Variants in SRP19 observed in about 807,000 individuals in gnomAD.
SRP19 encodes signal recognition particle 19 kDa protein.
Under a neutral mutation model 22.4 loss-of-function variants are expected in SRP19, and 11 were observed. The ratio of observed to expected loss-of-function variants is 0.49; its 90% confidence interval spans 0.31 to 0.81. The LOEUF (loss-of-function observed/expected upper bound fraction) is 0.81, where lower values mean the gene tolerates loss of function less well. SRP19 is among the 40% of genes least tolerant of loss of function. The pLI is 0.05. For synonymous variants in SRP19, 61 were observed against 57.6 expected (o/e 1.06, Z -0.27); for missense variants, 168 against 175.9 (o/e 0.96, Z 0.25).
downstream of SRP19, among the ~76,000 whole-genome samples, chr5:112,873,086 G>GT (rs1246223933): frequency 7.9e-6 from 1 of 126,348 alleles, no homozygotes; most frequent in Non-Finnish European, 1.6e-5. Flanking sequence ...CTTTGTGTGG[G>GT]TCTTTTTTTT....
chr5:112,864,728 A>G lies in SRP19; in HGVS notation c.297A>G (p.Pro99=), dbSNP rs141132771. Residue 99 remains proline, a synonymous_variant, in exon 4 of 5, where the codon CCA becomes CCG. Transcript: ENST00000505459. ...EDGSLCLVQF[P]SRKSVMLYAA... is the part of the protein sequence containing the mutation. ...GGAGCCTCTGCCTTGTACAGTTCCC[A>G]TCACGTAAGCTTGTTTAAATGAATC... 54 of 1,609,774 alleles carry G rather than the reference A, an allele frequency of 3.4e-5. No homozygotes were observed. Among genetic ancestry groups the G allele is most frequent in the African/African-American group, 8.0e-5 (6 of 74,754 alleles).
At chr5:112,865,267 T>C (rs1416856452) in intron 4 of SRP19, 1 of 152,354 alleles carries the variant, frequency 6.6e-6, no homozygotes, top group Admixed American at 6.5e-5. Context: ...AAGGAAACAC[T>C]CATTCTTAAG....
At chr5:112,879,046 A>T (rs931583853) in intron 4 of SRP19, among the ~76,000 whole-genome samples, 1 of 152,022 alleles carries the variant, frequency 6.6e-6, no homozygotes, top group Non-Finnish European at 1.5e-5. Context: ...TAAATACTTG[A>T]GCAAAATACT....
chr5:112,892,354 C>G (rs1355988311), exon 5 of SRP19: 1 of 1,614,082 alleles, frequency 6.2e-7, no homozygotes. Context: ...AGAAACCTAC[C>G]AACAGTTCCT....
exon 4 of SRP19, chr5:112,898,081 C>T (rs1424604213): frequency 6.6e-6 from 1 of 152,004 alleles, no homozygotes; most frequent in African/African-American, 2.4e-5. Flanking sequence ...ACAAAACAAA[C>T]CCATGTCCTT....
chr5:112,887,081 T>C (rs1162074604), intron 4 of SRP19: 5 of 1,613,782 alleles, frequency 3.1e-6, no homozygotes, highest in Non-Finnish European at 3.4e-6. Context: ...ACACTGTCCA[T>C]CTGGGACTCG....
chr5:112,864,584 C>T (rs1446422951), intron 3 of SRP19, 37 bp from the exon 4 acceptor site: 1 of 1,611,826 alleles, frequency 6.2e-7, no homozygotes. Flanking sequence ...TAATAACTTT[C>T]TTAAGTCCTG....
Position 112,867,661 on chromosome 5 carries a change from C to G in SRP19, c.*124C>G. ...TTTAACTGAACTGTGAACCCTTGTG[C>G]CTCTCATCTTTATCATCGGAGTTGA... On this transcript the variant is annotated 3_prime_UTR_variant, in exon 5 of 5. Coordinates refer to ENST00000505459, the MANE Select transcript of SRP19 (RefSeq NM_003135.3). 1 of 1,369,928 alleles carries G rather than the reference C, an allele frequency of 7.3e-7. No individual in the cohort carries two copies. The allele number at this position is 1,369,928 out of a possible 1,614,324, so 84.9% of individuals were successfully genotyped here.
intron 4 of SRP19, chr5:112,887,108 G>A (rs1768276854): frequency 6.2e-7 from 1 of 1,613,562 alleles, no homozygotes; most frequent in African/African-American, 1.3e-5. Context: ...AGGAAGAAAG[G>A]ACGGATGATG....
intron 4 of SRP19, among the ~76,000 whole-genome samples, chr5:112,865,870 G>A (rs933990755): frequency 4.6e-5 from 7 of 152,108 alleles, no homozygotes; most frequent in African/African-American, 1.4e-4. Context: ...GGGATTACAG[G>A]CATAAGCCAC....
At chr5:112,892,486 G>A (rs1460223853) in exon 5 of SRP19, 4 of 1,614,086 alleles carry the variant, frequency 2.5e-6, no homozygotes, top group Non-Finnish European at 3.4e-6. Context: ...CCAGTCGGAA[G>A]AAGAATGCCA....
At chr5:112,865,582 C>T (rs986348629) in intron 4 of SRP19, among the ~76,000 whole-genome samples, 1 of 151,690 alleles carries the variant, frequency 6.6e-6, no homozygotes, top group African/African-American at 2.4e-5. Context: ...ATGAAATCGT[C>T]AGACGAACTG....
At chr5:112,871,879 G>A (rs1396881852), downstream of SRP19, among the ~76,000 whole-genome samples, 2 of 152,192 alleles carry the variant, frequency 1.3e-5, no homozygotes, top group Non-Finnish European at 2.9e-5. Flanking sequence ...CTGAAAAAGG[G>A]AATCTTAATG....
chr5:112,892,644 T>C (rs745724656), exon 5 of SRP19: 1 of 1,614,084 alleles, frequency 6.2e-7, no homozygotes, highest in Middle Eastern at 1.6e-4. Flanking sequence ...ACTTTCTTCA[T>C]GTGTTCAGAA....
chr5:112,894,061 C>T (rs1768595865), downstream of SRP19: 2 of 152,106 alleles, frequency 1.3e-5, 1 homozygote, highest in South Asian at 4.1e-4. Flanking sequence ...CCCTGCAAGA[C>T]CACCTCTCTA....
intron 4 of SRP19, chr5:112,886,938 G>T: frequency 1.8e-6 from 2 of 1,104,366 alleles, no homozygotes; most frequent in Non-Finnish European, 1.3e-6. Context: ...AGACAAGAAG[G>T]CCAGGAAGCC....
chr5:112,875,372 G>T (rs1282974857), intron 4 of SRP19, among the ~76,000 whole-genome samples: 2 of 142,944 alleles, frequency 1.4e-5, no homozygotes, highest in African/African-American at 2.6e-5. Flanking sequence ...TTTGTTTTTG[G>T]TTTTTTTTTT....
chr5:112,892,042 A>G, exon 5 of SRP19: 12 of 1,482,346 alleles, frequency 8.1e-6, no homozygotes, highest in Non-Finnish European at 1.1e-5. Context: ...ACAGGAGAAG[A>G]AAGAAAAAGA....
chr5:112,876,954 A>G (rs1160230527), intron 4 of SRP19: 1 of 152,152 alleles, frequency 6.6e-6, no homozygotes, highest in Non-Finnish European at 1.5e-5. Context: ...TATGCTGTCA[A>G]TCTGATTATA....
Sources: allele counts gnomAD v4.1 joint callset (sites outside exome capture counted in the v4.1 genomes callset), GRCh38; gene constraint gnomAD v4.1.1; transcripts MANE v1.5; gene names NCBI Gene and HGNC (gene_info 2026-07-23, HGNC 2026-07-21).